Variants in FNDC8 observed in about 807,000 individuals in gnomAD.
FNDC8 encodes fibronectin type III domain containing 8, also known as fibronectin type III domain-containing protein 8.
FNDC8 carries 23 observed loss-of-function variants against 24.8 expected under a neutral mutation model. The observed-to-expected ratio is 0.93, with a 90% CI of 0.67 to 1.31. The LOEUF (loss-of-function observed/expected upper bound fraction) is 1.31, where lower values mean the gene tolerates loss of function less well. Among genes scored for constraint, FNDC8 ranks in the 40% most tolerant of loss-of-function variants. FNDC8 has a pLI of 0.00. For synonymous variants in FNDC8, 158 were observed against 165.3 expected (o/e 0.96, Z 0.34); for missense variants, 371 against 398.2 (o/e 0.93, Z 0.58).
intron 2 of FNDC8, 112 bp downstream of exon 2, chr17:35,127,529 C>T (rs772770150): frequency 2.9e-5 from 37 of 1,289,172 alleles, no homozygotes; most frequent in African/African-American, 7.3e-5. Context: ...CTCAAGTTCA[C>T]GGTTTAGGAA....
At chr17:35,129,059 T>C (rs537229903) in intron 2 of FNDC8, 64 of 221,226 alleles carry the variant, frequency 2.9e-4, no homozygotes, top group Admixed American at 3.0e-4. Flanking sequence ...GGGGAGCAGC[T>C]GTAAATACAG....
At chr17:35,122,205 TATA>T (rs2091831894) in intron 1 of FNDC8, among the ~76,000 whole-genome samples, 2 of 7,624 alleles carry the variant, frequency 2.6e-4, no homozygotes, top group Non-Finnish European at 4.2e-4. Context: ...TATATATATA[TATA>T]AATTTTTTTT....
chr17:35,127,512 T>C, intron 2 of FNDC8, 95 bp downstream of exon 2: 6 of 1,385,186 alleles, frequency 4.3e-6, no homozygotes, highest in Middle Eastern at 2.1e-4. Flanking sequence ...GCCACCTGCA[T>C]GTCGACCTCA....
chr17:35,129,606 G>A lies in FNDC8; in HGVS notation c.770G>A (p.Ser257Asn). The change falls in exon 3 of 4, where the codon AGT (serine) becomes AAT (asparagine). Residue 257 changes from serine to asparagine, a missense_variant. Transcript: ENST00000158009. Reference protein sequence around the residue: ...ELKPNTCYCLSVRAANTAGVG... With the variant: ...ELKPNTCYCLNVRAANTAGVG... ...AAGCCTAACACGTGTTACTGCCTCA[G>A]TGTCCGTGCAGCCAACACAGCTGGG... is the stretch of plus-strand genomic sequence containing the variant. The A allele has an allele frequency of 6.2e-7, 1 of 1,614,172 alleles. No individual in the cohort carries two copies. The highest frequency in any genetic ancestry group is 8.5e-7 in the Non-Finnish European group (1 of 1,180,038).
intron 1 of FNDC8, among the ~76,000 whole-genome samples, chr17:35,124,979 C>T (rs116953439): frequency 0.013 from 1,892 of 148,298 alleles, 23 homozygotes; most frequent in East Asian, 0.074. Context: ...GCCAGGGAGG[C>T]GGAGGTTGCA....
chr17:35,123,607 A>G (rs904625673), intron 1 of FNDC8, among the ~76,000 whole-genome samples: 4 of 152,144 alleles, frequency 2.6e-5, no homozygotes, highest in African/African-American at 9.7e-5. Context: ...ATGTGGTGGC[A>G]CGCACCTGTT....
intron 1 of FNDC8, among the ~76,000 whole-genome samples, chr17:35,123,067 G>T (rs1267392505): frequency 6.6e-6 from 1 of 152,196 alleles, no homozygotes; most frequent in African/African-American, 2.4e-5. Context: ...GTGGTACAGG[G>T]TGATGTGGGC....
chr17:35,129,222 C>A, intron 2 of FNDC8, 200 bp from the exon 3 acceptor site: 1 of 662,110 alleles, frequency 1.5e-6, no homozygotes, highest in Admixed American at 2.5e-5. Context: ...GTGGGTGGGG[C>A]TGCCCAGGAG....
At chr17:35,121,941 C>CCCTCCCTTCCTTCCTT (rs1567738242) in intron 1 of FNDC8, 39 bp downstream of exon 1, 1 of 1,381,464 alleles carries the variant, frequency 7.2e-7, no homozygotes, top group Non-Finnish European at 1.0e-6. Context: ...CTCCCTCCCT[C>CCCTCCCTTCCTTCCTT]CCTCCCTTCC....
intron 1 of FNDC8, among the ~76,000 whole-genome samples, chr17:35,126,289 A>G (rs1188042073): frequency 6.6e-6 from 1 of 152,196 alleles, no homozygotes; most frequent in Non-Finnish European, 1.5e-5. Context: ...AAATGCCACT[A>G]AAATGTAAGT....
chr17:35,129,845 G>A lies in FNDC8; in HGVS notation c.822+187G>A, dbSNP rs1042668357. On this transcript the variant is annotated intron_variant, in intron 3 of 3. Coordinates refer to ENST00000158009, the MANE Select transcript of FNDC8 (RefSeq NM_017559.4). Reference sequence around the variant, plus strand: ...GGAGGTTTAAGGATTAAGCCACTCTGGGGCCCACTAGGAATGCAAACGAAT... The same window carrying A: ...GGAGGTTTAAGGATTAAGCCACTCTAGGGCCCACTAGGAATGCAAACGAAT... The A allele has an allele frequency of 2.1e-6, 3 of 1,427,360 alleles. No homozygotes were observed. In the African/African-American group the frequency reaches 4.3e-5, roughly 21 times the overall value. 88.4% of individuals were successfully genotyped at this position (1,427,360 alleles called of 1,614,324 possible).
Position 35,130,544 on chromosome 17 carries a change from C to A in FNDC8, c.*110C>A. The A allele has an allele frequency of 8.2e-7, 1 of 1,221,286 alleles. No individual in the cohort carries two copies. The highest frequency in any genetic ancestry group is 1.1e-6 in the Non-Finnish European group (1 of 885,804). The allele number at this position is 1,221,286 out of a possible 1,614,324, so 75.7% of individuals were successfully genotyped here. ...CACCAGCACCCTGCGGGCCCGGGGT[C>A]TGGCAGAGTGGTATGGGCACCCCAC... On this transcript the variant is annotated 3_prime_UTR_variant, in exon 4 of 4. Transcript: ENST00000158009.
At chr17:35,129,284 G>A in intron 2 of FNDC8, 138 bp from the exon 3 acceptor site, 1 of 1,098,148 alleles carries the variant, frequency 9.1e-7, no homozygotes, top group Non-Finnish European at 1.3e-6. Flanking sequence ...GCAGTACCTT[G>A]CACCTTCCAT....
intron 2 of FNDC8, 134 bp from the exon 3 acceptor site, chr17:35,129,288 C>A: frequency 8.6e-7 from 1 of 1,163,078 alleles, no homozygotes; most frequent in South Asian, 1.4e-5. Context: ...TACCTTGCAC[C>A]TTCCATCTGA....
Position 35,121,752 on chromosome 17 carries a change from A to T in FNDC8, c.59A>T (p.Glu20Val). The change falls in exon 1 of 4, where the codon GAA becomes GTA. Residue 20 changes from glutamate to valine, a missense_variant. By Grantham distance (121) the Glu-to-Val change is moderately radical. Transcript: ENST00000158009. Reference sequence around the variant, plus strand: ...GGGGAGGAGGCTGTACTGAAGAAAGAAAACTTCAACATGATGAATGCCCTT... The same window carrying T: ...GGGGAGGAGGCTGTACTGAAGAAAGTAAACTTCAACATGATGAATGCCCTT... ...GDGEEAVLKK[E>V]NFNMMNALDQ... The T allele has an allele frequency of 6.2e-7, 1 of 1,613,842 alleles. No homozygotes were observed. Among genetic ancestry groups the T allele is most frequent in the East Asian group, 2.2e-5 (1 of 44,844 alleles).
chr17:35,126,986 G>A, intron 1 of FNDC8, 56 bp from the exon 2 acceptor site: 1 of 1,523,508 alleles, frequency 6.6e-7, no homozygotes, highest in Non-Finnish European at 8.8e-7. Flanking sequence ...CCCTCAGGTG[G>A]AACGGGCTGG....
chr17:35,130,557 A>G lies in FNDC8; in HGVS notation c.*123A>G, dbSNP rs781454946. On this transcript the variant is annotated 3_prime_UTR_variant, in exon 4 of 4. Coordinates refer to ENST00000158009, the MANE Select transcript of FNDC8 (RefSeq NM_017559.4). Reference sequence around the variant, plus strand: ...CGGGCCCGGGGTCTGGCAGAGTGGTATGGGCACCCCACCCCTGGGCTGGGG... The same window carrying G: ...CGGGCCCGGGGTCTGGCAGAGTGGTGTGGGCACCCCACCCCTGGGCTGGGG... 1.4e-5 allele frequency: 15 copies of G among 1,046,932 alleles called. No individual in the cohort carries two copies. The highest frequency in any genetic ancestry group is 2.6e-5 in the Admixed American group (1 of 38,446). The allele number at this position is 1,046,932 out of a possible 1,614,324, so 64.9% of individuals were successfully genotyped here.
At chr17:35,126,332 T>C (rs1413888279) in intron 1 of FNDC8, among the ~76,000 whole-genome samples, 2 of 152,160 alleles carry the variant, frequency 1.3e-5, no homozygotes, top group African/African-American at 4.8e-5. Context: ...ATTTAAACAA[T>C]AGTAAATAAA....
At chr17:35,129,152 TGGCCCAAGG>T in intron 2 of FNDC8, 1 of 390,748 alleles carries the variant, frequency 2.6e-6, no homozygotes, top group Non-Finnish European at 4.8e-6. Context: ...TATCAGTTGG[TGGCCCAAGG>T]GTTGAGGACC....
Sources: allele counts gnomAD v4.1 joint callset (sites outside exome capture counted in the v4.1 genomes callset), GRCh38; gene constraint gnomAD v4.1.1; transcripts MANE v1.5; gene names NCBI Gene and HGNC (gene_info 2026-07-23, HGNC 2026-07-21).